Variants in A1BG observed in about 807,000 individuals in gnomAD.
A1BG encodes the protein alpha-1-B glycoprotein, also known as alpha-1B-glycoprotein.
A neutral mutation model predicts 46.0 loss-of-function variants in A1BG; 44 were observed. The ratio of observed to expected loss-of-function variants is 0.96; its 90% confidence interval spans 0.75 to 1.23. The LOEUF is 1.23. A1BG is among the 50% of genes most tolerant of loss of function. The probability of loss-of-function intolerance (pLI) is 0.00; values close to 1 mark genes in which losing one functional copy is unlikely to be tolerated. For missense variants in A1BG, 707 were observed against 688.8 expected, an observed-to-expected ratio of 1.03 and a Z score of -0.30; for synonymous variants, 316 against 314.7, an observed-to-expected ratio of 1.00 and a Z score of -0.04.
chr19:58,350,604 C>A lies in A1BG; in HGVS notation c.958G>T (p.Ala320Ser), dbSNP rs1396776082. 2 of 1,464,208 alleles carry A rather than the reference C, an allele frequency of 1.4e-6. No individual in the cohort carries two copies. Among genetic ancestry groups the A allele is most frequent in the Admixed American group, 5.4e-5 (2 of 36,976 alleles). 90.7% of individuals were successfully genotyped at this position (1,464,208 alleles called of 1,614,324 possible). Residue 320 changes from alanine to serine, a missense_variant, in exon 6 of 8, where the codon GCC becomes TCC. Ala to Ser is a moderately conservative substitution (Grantham distance 99). Coordinates refer to ENST00000263100, the MANE Select transcript of A1BG (RefSeq NM_130786.4). ...GGCGCCAGGCACCGCAGCCGCAAGG[C>A]CCTGCCGGACTCCGGCTCCGGGGAG... ...EFSPEPESGR[A>S]LRLRCLAPLE...
rs140445418 is a variant in A1BG, at chr19:58,352,944, C to T, written c.324G>A (p.Leu108=). The T allele has an allele frequency of 4.5e-5, 73 of 1,613,218 alleles. No individual in the cohort carries two copies. Among genetic ancestry groups the T allele is most frequent in the Non-Finnish European group, 5.8e-5 (69 of 1,179,826 alleles). The part of the protein sequence containing the change: ...STGWTQLSKL[L]ELTGPKSLPA... ...CCGGCTCACTTGGCCCTGTCAGCTC[C>T]AGGAGCTTGCTCAGCTGGGTCCATC... The change falls in exon 3 of 8, where the codon CTG becomes CTA. Residue 108 remains leucine (L), a synonymous_variant. Coordinates refer to ENST00000263100, the MANE Select transcript of A1BG (RefSeq NM_130786.4).
chr19:58,350,390 C>A lies in A1BG; in HGVS notation c.1172G>T (p.Arg391Leu). 6.5e-7 allele frequency: 1 copy of A among 1,548,318 alleles called. No homozygotes were observed. ...PPFGGSAPSE[R>L]LELHVDGPPP... The stretch of plus-strand genomic sequence containing the variant: ...CTCACCGTCCACGTGCAGCTCCAAG[C>A]GCTCGCTGGGCGCGGAGCCCCCGAA... Residue 391 changes from arginine (R) to leucine (L), a missense_variant, in exon 6 of 8, where the codon CGC (arginine) becomes CTC (leucine). Coordinates refer to ENST00000263100, the MANE Select transcript of A1BG (RefSeq NM_130786.4).
intron 6 of A1BG, 26 bp from the exon 7 acceptor site, chr19:58,347,666 G>A (rs936326240): frequency 2.6e-6 from 3 of 1,150,546 alleles, no homozygotes; most frequent in Admixed American, 4.2e-5. Context: ...GGGTGGTCGG[G>A]CCAGGCCACG....
chr19:58,350,360 G>C lies in A1BG; in HGVS notation c.1192+10C>G. 6.5e-7 allele frequency: 1 copy of C among 1,531,420 alleles called. No homozygotes were observed. The highest frequency in any genetic ancestry group is 8.8e-7 in the Non-Finnish European group (1 of 1,134,478). The allele number at this position is 1,531,420 out of a possible 1,614,324, so 94.9% of individuals were successfully genotyped here. On this transcript the variant is annotated intron_variant, in intron 6 of 7. Coordinates refer to ENST00000263100, the MANE Select transcript of A1BG (RefSeq NM_130786.4). ...CCGCGCCCGCCCTCGCTGGTGCCCC[G>C]CCAGCTCACCGTCCACGTGCAGCTC...
In A1BG at chr19:58,351,604, C is replaced by T. The variant is rs1412804705; in HGVS notation, c.697G>A (p.Val233Met). ...HPGNKVTLTC[V>M]APLSGVDFQL... ...AAGTCCACTCCACTCAGGGGAGCCA[C>T]GCAGGTGAGGGTCACCTTGTTGCCA... The change falls in exon 5 of 8, where the codon GTG becomes ATG. Residue 233 changes from valine (V) to methionine (M), a missense_variant. By Grantham distance (21) the Val-to-Met change is conservative (BLOSUM62 1). Transcript: ENST00000263100. The T allele has an allele frequency of 2.5e-6, 4 of 1,613,738 alleles. No individual in the cohort carries two copies. Among genetic ancestry groups the T allele is most frequent in the Non-Finnish European group, 2.5e-6 (3 of 1,180,002 alleles).
chr19:58,345,875 G>A lies in A1BG; in HGVS notation c.*1147C>T, dbSNP rs1161111899. On this transcript the variant is annotated 3_prime_UTR_variant, in exon 8 of 8. Coordinates refer to ENST00000263100, the MANE Select transcript of A1BG (RefSeq NM_130786.4). ...GAAAAACACAATTCATCAACTATTG[G>A]TTGATAATACTGATACGCATCTTCT... The A allele has an allele frequency of 6.6e-6, 1 of 152,260 alleles. No individual in the cohort carries two copies. The highest frequency in any genetic ancestry group is 2.4e-5 in the African/African-American group (1 of 41,448). The allele number at this position is 152,260 out of a possible 1,614,324, so 9.4% of individuals were successfully genotyped here.
In A1BG at chr19:58,347,519, G is replaced by GC; in HGVS notation, c.1313dup (p.Glu439ArgfsTer105). ...GGACCGTCTTCACGGCCTTCGTCTC[G>GC]CCCTCGCGCAGCAGCTCGAAGGTGA... On this transcript the variant is annotated frameshift_variant, in exon 7 of 8. Transcript: ENST00000263100. LOFTEE classifies it high-confidence loss of function. 1 of 1,581,554 alleles carries GC rather than the reference G, an allele frequency of 6.3e-7. No homozygotes were observed. The highest frequency in any genetic ancestry group is 8.6e-7 in the Non-Finnish European group (1 of 1,163,558).
At position 58,353,469 on chromosome 19, in the gene A1BG, T is replaced by A; in HGVS notation, c.-32A>T. 1 of 1,594,156 alleles carries A rather than the reference T, an allele frequency of 6.3e-7. No homozygotes were observed. ...CGCGCTCACTCCGGTGCAGTGAGTG[T>A]CTGGGGTGAGCGTCTGCAGCAATGA... On this transcript the variant is annotated 5_prime_UTR_variant, in exon 1 of 8. Transcript: ENST00000263100.
intron 7 of A1BG, 104 bp from the exon 8 acceptor site, chr19:58,347,133 C>T: frequency 6.8e-7 from 1 of 1,478,730 alleles, no homozygotes; most frequent in Non-Finnish European, 9.3e-7. Context: ...CGGAAGGAAG[C>T]GCGTGGTCGG....
At chr19:58,349,708 G>A (rs2051939868) in intron 6 of A1BG, 1 of 149,754 alleles carries the variant, frequency 6.7e-6, no homozygotes, top group Non-Finnish European at 1.5e-5. Context: ...GGGGTTGGGG[G>A]GCAGAGATGA....
rs111295433 is a variant in A1BG at position 58,353,291 on chromosome 19, C to A, written c.70+1G>T. ...TTCCCAGACCTCACCCCTGCACTCA[C>A]ATATGGCTGCTTCTGTCACTGGGCC... On this transcript the variant is annotated splice_donor_variant, in intron 2 of 7. Transcript: ENST00000263100. LOFTEE classifies it high-confidence loss of function. 34 of 1,613,686 alleles carry A rather than the reference C, an allele frequency of 2.1e-5. No individual in the cohort carries two copies. Among genetic ancestry groups the A allele is most frequent in the African/African-American group, 1.9e-4 (14 of 75,020 alleles).
In A1BG at chr19:58,353,017, G is replaced by A. The variant is rs371434703; in HGVS notation, c.251C>T (p.Thr84Met). The change falls in exon 3 of 8, where the codon ACG becomes ATG. Residue 84 changes from threonine to methionine, a missense_variant. By Grantham distance (81) the Thr-to-Met change is moderately conservative. Transcript: ENST00000263100. ...GCGGTAGCGGCCCTGGGTGTCACCC[G>A]TCAGCAGGAACTGGTGCTTGATGGC... ...SPAIKHQFLL[T>M]GDTQGRYRCR... 4.5e-5 allele frequency: 73 copies of A among 1,614,080 alleles called. No homozygotes were observed. The highest frequency in any genetic ancestry group is 1.6e-4 in the Middle Eastern group (1 of 6,062).
chr19:58,352,186 T>TG (rs757246133), intron 4 of A1BG, 97 bp downstream of exon 4: 1 of 1,538,948 alleles, frequency 6.5e-7, no homozygotes, highest in Non-Finnish European at 8.7e-7. Flanking sequence ...GACCTGGTCC[T>TG]GGGCAAGGAC....
chr19:58,352,451 G>C lies in A1BG; in HGVS notation c.445C>G (p.Leu149Val). ...TCATGGTCGCCCTCCCGCCTCAGCA[G>C]AAAAGTCACACCCCGCAGCACACCT... is the stretch of plus-strand genomic sequence containing the variant. ...CRGVLRGVTFLLRREGDHEFL... is the reference protein window; with the variant it reads ...CRGVLRGVTFVLRREGDHEFL... The change falls in exon 4 of 8, where the codon CTG (leucine) becomes GTG (valine). Residue 149 changes from leucine to valine, a missense_variant. Leu to Val is a conservative substitution (Grantham distance 32, BLOSUM62 1). Transcript: ENST00000263100. The C allele has an allele frequency of 6.2e-7, 1 of 1,613,696 alleles. No homozygotes were observed. Among genetic ancestry groups the C allele is most frequent in the East Asian group, 2.2e-5 (1 of 44,886 alleles).
chr19:58,347,762 G>T, intron 6 of A1BG, 122 bp from the exon 7 acceptor site: 1 of 584,346 alleles, frequency 1.7e-6, no homozygotes, highest in Non-Finnish European at 2.5e-6. Context: ...CATCTTCCCT[G>T]TCTTGTTCCT....
chr19:58,352,038 C>T, intron 4 of A1BG: 1 of 1,331,514 alleles, frequency 7.5e-7, no homozygotes, highest in South Asian at 1.6e-5. Context: ...TCATGATCCG[C>T]TGGCCTCAGC....
chr19:58,352,556 C>T lies in A1BG; in HGVS notation c.341-1G>A. 1 of 1,606,360 alleles carries T rather than the reference C, an allele frequency of 6.2e-7. No individual in the cohort carries two copies. Among genetic ancestry groups the T allele is most frequent in the South Asian group, 1.1e-5 (1 of 91,046 alleles). On this transcript the variant is annotated splice_acceptor_variant, in intron 3 of 7. Coordinates refer to ENST00000263100, the MANE Select transcript of A1BG (RefSeq NM_130786.4). LOFTEE classifies it high-confidence loss of function. Reference sequence around the variant, plus strand: ...GAGAGCCAGGGAGCAGGCAAGGACTCTGTGGGTGGGGTGGAGTTGAAGAGT... The same window carrying T: ...GAGAGCCAGGGAGCAGGCAAGGACTTTGTGGGTGGGGTGGAGTTGAAGAGT...
At position 58,353,034 on chromosome 19, in the gene A1BG, C is replaced by T. The variant is rs777319421; in HGVS notation, c.234G>A (p.Lys78=). 20 of 1,614,028 alleles carry T rather than the reference C, an allele frequency of 1.2e-5. No homozygotes were observed. The highest frequency in any genetic ancestry group is 1.3e-5 in the African/African-American group (1 of 74,942). ...EPVHLDSPAI[K]HQFLLTGDTQ... ...TGTCACCCGTCAGCAGGAACTGGTG[C>T]TTGATGGCAGGTGAGTCAAGGTGCA... The change falls in exon 3 of 8, where the codon AAG becomes AAA. Residue 78 remains lysine, a synonymous_variant. Coordinates refer to ENST00000263100, the MANE Select transcript of A1BG (RefSeq NM_130786.4).
Position 58,352,457 on chromosome 19 carries a change from T to A in A1BG, c.439A>T (p.Thr147Ser). 3.1e-6 allele frequency: 5 copies of A among 1,613,196 alleles called. No homozygotes were observed. Among genetic ancestry groups the A allele is most frequent in the Non-Finnish European group, 4.2e-6 (5 of 1,179,894 alleles). The change falls in exon 4 of 8, where the codon ACT becomes TCT. Residue 147 changes from threonine (T) to serine (S), a missense_variant. Physicochemically the swap from Thr to Ser is moderately conservative, Grantham distance 58. Transcript: ENST00000263100. Reference protein sequence around the residue: ...AVCRGVLRGVTFLLRREGDHE... With the variant: ...AVCRGVLRGVSFLLRREGDHE... ...TCGCCCTCCCGCCTCAGCAGAAAAG[T>A]CACACCCCGCAGCACACCTCGGCAC...
Sources: allele counts gnomAD v4.1 joint callset, GRCh38; gene constraint gnomAD v4.1.1; transcripts MANE v1.5; gene names NCBI Gene and HGNC (gene_info 2026-07-23, HGNC 2026-07-21).